Variants in SPPL3 observed in about 807,000 individuals in gnomAD.
The protein encoded by SPPL3 is signal peptide peptidase like 3, also known as signal peptide peptidase-like 3.
In SPPL3, 5 loss-of-function variants were observed where a neutral mutation model predicts 42.4. The ratio of observed to expected loss-of-function variants is 0.12; its 90% CI spans 0.06 to 0.25. The LOEUF is 0.25. Ranked by LOEUF, SPPL3 falls within the 10% of genes least tolerant of loss-of-function variation. The pLI is 1.00. For synonymous variants in SPPL3, 195 were observed against 181.8 expected (o/e 1.07, Z -0.58); for missense variants, 235 against 489.0 (o/e 0.48, Z 4.90).
chr12:120,864,287 C>T (rs1872698669), intron 1 of SPPL3, among the ~76,000 whole-genome samples: 1 of 152,172 alleles, frequency 6.6e-6, no homozygotes, highest in Non-Finnish European at 1.5e-5. Flanking sequence ...GTGATCCCAG[C>T]ACTTTGGGAG....
intron 2 of SPPL3, among the ~76,000 whole-genome samples, chr12:120,809,217 C>T (rs1040803866): frequency 1.3e-5 from 2 of 152,038 alleles, no homozygotes; most frequent in Non-Finnish European, 2.9e-5. Flanking sequence ...TGGTGGCGGG[C>T]GCCTGTAGTC....
chr12:120,776,318 C>T (rs1243355988), intron 6 of SPPL3, among the ~76,000 whole-genome samples: 5 of 152,136 alleles, frequency 3.3e-5, no homozygotes, highest in Admixed American at 2.0e-4. Flanking sequence ...CTTCTGATAG[C>T]GGCCACTGGG....
At chr12:120,825,269 T>C (rs2137012365) in intron 1 of SPPL3, among the ~76,000 whole-genome samples, 1 of 152,302 alleles carries the variant, frequency 6.6e-6, no homozygotes, top group Admixed American at 6.5e-5. Context: ...ATTATTTAGT[T>C]TGAAAAAACA....
At chr12:120,844,789 C>A (rs1272773501) in intron 1 of SPPL3, among the ~76,000 whole-genome samples, 1 of 151,662 alleles carries the variant, frequency 6.6e-6, no homozygotes, top group Admixed American at 6.6e-5. Flanking sequence ...CCCAACACAG[C>A]GACTCCCGGA....
At chr12:120,790,015 A>C (rs1869862417) in intron 3 of SPPL3, among the ~76,000 whole-genome samples, 2 of 152,144 alleles carry the variant, frequency 1.3e-5, no homozygotes, top group African/African-American at 2.4e-5. Flanking sequence ...TAAGAACATC[A>C]CTTGCATATG....
intron 1 of SPPL3, chr12:120,901,851 G>A: frequency 1.0e-6 from 1 of 977,002 alleles, no homozygotes; most frequent in Non-Finnish European, 1.2e-6. Context: ...ACTAATGTCA[G>A]AGAGAGGTCG....
intron 1 of SPPL3, among the ~76,000 whole-genome samples, chr12:120,823,251 C>G: frequency 6.6e-6 from 1 of 151,232 alleles, no homozygotes; most frequent in Non-Finnish European, 1.5e-5. Context: ...GCGGGGAGGA[C>G]AGAGAACAAA....
chr12:120,848,996 T>C (rs1471180860), intron 1 of SPPL3, among the ~76,000 whole-genome samples: 1 of 151,974 alleles, frequency 6.6e-6, no homozygotes, highest in East Asian at 1.9e-4. Flanking sequence ...AATATCCATC[T>C]CTACAAAAAA....
At chr12:120,823,424 T>C (rs986512206) in intron 1 of SPPL3, among the ~76,000 whole-genome samples, 37 of 152,152 alleles carry the variant, frequency 2.4e-4, no homozygotes, top group African/African-American at 8.4e-4. Context: ...CTTAATCTAG[T>C]AACACTTCAG....
At chr12:120,781,372 AAG>A (rs1869530515) in intron 6 of SPPL3, among the ~76,000 whole-genome samples, 1 of 152,062 alleles carries the variant, frequency 6.6e-6, no homozygotes, top group Non-Finnish European at 1.5e-5. Context: ...AGTTATTAAA[AAG>A]GATATGATAT....
chr12:120,876,808 TACACACAC>T lies in SPPL3; in HGVS notation c.23+27029_23+27036del, dbSNP rs71076677. Among the ~76,000 whole-genome samples, 1,310 of 146,604 alleles carry T rather than the reference TACACACAC, an allele frequency of 8.9e-3. 7 individuals carry two copies. Among genetic ancestry groups the T allele is most frequent in the African/African-American group, 0.014 (547 of 39,984 alleles). ...CTAAGCTTCTACCTTGAGAAACACA[TACACACAC>T]ACACACACACACACACACACACACA... On this transcript the variant is annotated intron_variant, in intron 1 of 10. Coordinates refer to ENST00000353487, the MANE Select transcript of SPPL3 (RefSeq NM_139015.5).
At chr12:120,873,086 A>C (rs866200470) in intron 1 of SPPL3, among the ~76,000 whole-genome samples, 2 of 152,354 alleles carry the variant, frequency 1.3e-5, no homozygotes, top group Middle Eastern at 3.4e-3. Context: ...TATACAGTTC[A>C]TATGAATGTG....
chr12:120,865,816 C>T (rs941999612), intron 1 of SPPL3, among the ~76,000 whole-genome samples: 2 of 152,166 alleles, frequency 1.3e-5, no homozygotes, highest in African/African-American at 2.4e-5. Context: ...GAAACTGGGC[C>T]GTACTGTAGG....
intron 7 of SPPL3, 106 bp from the exon 8 acceptor site, chr12:120,768,594 C>A: frequency 7.9e-7 from 1 of 1,267,990 alleles, no homozygotes; most frequent in South Asian, 1.4e-5. Flanking sequence ...GCTGTGACTG[C>A]AATGCTTTCG....
chr12:120,783,856 T>C (rs926064960), intron 4 of SPPL3, 104 bp from the exon 5 acceptor site: 11 of 923,594 alleles, frequency 1.2e-5, no homozygotes, highest in Admixed American at 2.5e-5. Context: ...ATACGGTTAA[T>C]TGACTAGAGA....
chr12:120,799,693 G>C (rs1870223850), intron 2 of SPPL3, among the ~76,000 whole-genome samples: 1 of 152,176 alleles, frequency 6.6e-6, no homozygotes, highest in Admixed American at 6.5e-5. Context: ...GCCTTGTTTG[G>C]TTGTTAGAAG....
intron 1 of SPPL3, among the ~76,000 whole-genome samples, chr12:120,824,820 G>T (rs1871189247): frequency 6.6e-6 from 1 of 152,222 alleles, no homozygotes; most frequent in Non-Finnish European, 1.5e-5. Context: ...TTACAAGCGT[G>T]AAGCTGCCTG....
At chr12:120,784,299 AG>A (rs1385725262) in intron 4 of SPPL3, 174 bp downstream of exon 4, 2 of 529,386 alleles carry the variant, frequency 3.8e-6, no homozygotes, top group Non-Finnish European at 6.6e-6. Context: ...GTGGATCAAG[AG>A]GTTCAAGGAG....
intron 1 of SPPL3, among the ~76,000 whole-genome samples, chr12:120,850,873 TCTG>T (rs1194667899): frequency 3.9e-5 from 6 of 152,186 alleles, no homozygotes; most frequent in African/African-American, 1.2e-4. Context: ...CATCGTCAAA[TCTG>T]CTACCACTCA....
Sources: gnomAD v4.1 joint callset for allele counts (sites outside exome capture counted in the v4.1 genomes callset) on GRCh38, gnomAD v4.1.1 for gene constraint, MANE v1.5 for transcripts, NCBI Gene and HGNC (gene_info 2026-07-23, HGNC 2026-07-21) for gene names.